The following KRT10 variants were observed in gnomAD, a reference collection of about 807,000 sequenced individuals.
The protein encoded by KRT10 is keratin, type I cytoskeletal 10.
A neutral mutation model predicts 59.2 loss-of-function variants in KRT10; 40 were observed. The observed-to-expected ratio is 0.68, with a 90% CI of 0.52 to 0.88. KRT10 has a LOEUF of 0.88. Ranked by LOEUF, KRT10 falls within the 40% of genes least tolerant of loss-of-function variation. The probability of loss-of-function intolerance (pLI) is 0.00; values close to 1 mark genes in which losing one functional copy is unlikely to be tolerated. For missense variants in KRT10, 719 were observed against 749.1 expected, an observed-to-expected ratio of 0.96 and a Z score of 0.47; for synonymous variants, 336 against 310.7, an observed-to-expected ratio of 1.08 and a Z score of -0.86.
chr17:40,819,004 C>T lies in KRT10; in HGVS notation c.1531G>A (p.Gly511Ser), dbSNP rs1470590839. ...CTGGAGCTTCCGCCCCCGTAGCCGC[C>T]GCCGGAGCTTCCGCCGCCGGAGCTT... ...GGSSGGGSSG[G>S]GYGGGSSSGG... The change falls in exon 7 of 8, where the codon GGC becomes AGC. Residue 511 changes from glycine (G) to serine (S), a missense_variant. This residue lies in a region of KRT10 where 315 missense variants were observed against 270.6 expected (regional missense o/e 1.16). Transcript: ENST00000269576. The T allele has an allele frequency of 7.0e-6, 9 of 1,286,614 alleles. No homozygotes were observed. Among genetic ancestry groups the T allele is most frequent in the South Asian group, 6.9e-5 (4 of 58,390 alleles). The allele number at this position is 1,286,614 out of a possible 1,614,324, so 79.7% of individuals were successfully genotyped here.
In KRT10 at chr17:40,819,916, C is replaced by T. The variant is rs146342823; in HGVS notation, c.1155+133G>A. The T allele has an allele frequency of 2.6e-4, 315 of 1,222,570 alleles. 2 individuals carry two copies. The East Asian group carries it at 5.6e-3, about 22-fold the overall frequency. 75.7% of individuals were successfully genotyped at this position (1,222,570 alleles called of 1,614,324 possible). A position where few individuals can be genotyped will look rare whatever the true frequency, so the allele number is the denominator to read the frequency against. ...ATCAACACTAGTAGTACTTTTCCTCCATTAACATGAGCTTCACTTTGTTTT... is the reference window on the plus strand; with the variant it reads ...ATCAACACTAGTAGTACTTTTCCTCTATTAACATGAGCTTCACTTTGTTTT... On this transcript the variant is annotated intron_variant, in intron 5 of 7. Transcript: ENST00000269576.
chr17:40,819,993 G>A (rs1046699577), intron 5 of KRT10, 56 bp downstream of exon 5: 4 of 1,601,430 alleles, frequency 2.5e-6, no homozygotes, highest in Non-Finnish European at 3.4e-6. Flanking sequence ...ATATTCTTAG[G>A]TGAGCATGAA....
At chr17:40,819,858 T>A (rs1167038579) in intron 5 of KRT10, 124 bp from the exon 6 acceptor site, 3 of 1,107,226 alleles carry the variant, frequency 2.7e-6, no homozygotes, top group Non-Finnish European at 4.1e-6. Context: ...TGTTGTATGT[T>A]TAATGGCACC....
rs781280510 is a variant in KRT10, at chr17:40,822,238, G to T, written c.348C>A (p.Ser116Arg). The stretch of plus-strand genomic sequence containing the variant: ...CTCCACCAAAGCCGCCTCCACCAAA[G>T]CTGCCCCCACCAAAGCTGCCACCTC... ...SFGGGSFGGG[S>R]FGGGGFGGGG... Residue 116 changes from serine to arginine, a missense_variant, in exon 1 of 8, where the codon AGC (serine) becomes AGA (arginine). Coordinates refer to ENST00000269576, the MANE Select transcript of KRT10 (RefSeq NM_000421.5). The T allele has an allele frequency of 6.2e-7, 1 of 1,610,392 alleles. No individual in the cohort carries two copies.
At chr17:40,820,715 A>C in intron 2 of KRT10, 48 bp from the exon 3 acceptor site, 1 of 1,600,108 alleles carries the variant, frequency 6.2e-7, no homozygotes, top group Non-Finnish European at 8.6e-7. Context: ...TATAGGGGAG[A>C]TGTATCTGGG....
chr17:40,818,498 A>G lies in KRT10; in HGVS notation c.1749-16T>C, dbSNP rs1430458631. 2 of 1,544,004 alleles carry G rather than the reference A, an allele frequency of 1.3e-6. No individual in the cohort carries two copies. The highest frequency in any genetic ancestry group is 9.0e-7 in the Non-Finnish European group (1 of 1,116,668). On this transcript the variant is annotated splice_polypyrimidine_tract_variant and intron_variant, in intron 7 of 7. Transcript: ENST00000269576. ...TTGTTAGTATCTGTGTGAATGATGG[A>G]AAAAAAATTTTAAACAGTCTGTAGG...
rs946206147 is a variant in KRT10 at position 40,818,483 on chromosome 17, C to G, written c.1749-1G>C. On this transcript the variant is annotated splice_acceptor_variant, in intron 7 of 7. Transcript: ENST00000269576. LOFTEE classifies it high-confidence loss of function. ...TTGATTACTCTGGTTTTGTTAGTAT[C>G]TGTGTGAATGATGGAAAAAAAATTT... 9.4e-6 allele frequency: 15 copies of G among 1,598,388 alleles called. No individual in the cohort carries two copies. Among genetic ancestry groups the G allele is most frequent in the Non-Finnish European group, 1.3e-5 (15 of 1,165,856 alleles).
chr17:40,819,041 G>T lies in KRT10; in HGVS notation c.1494C>A (p.Gly498=). Residue 498 remains glycine, a synonymous_variant, in exon 7 of 8, where the codon GGC becomes GGA. Coordinates refer to ENST00000269576, the MANE Select transcript of KRT10 (RefSeq NM_000421.5). The stretch of plus-strand genomic sequence containing the variant: ...CGCCGCCGGAGCTTCCGCCTCCGTA[G>T]CCGCCGCCGGAACTGCCGCCGTGGC... ...GGGHGGSSGG[G]YGGGSSGGGS... 1 of 1,340,386 alleles carries T rather than the reference G, an allele frequency of 7.5e-7. No individual in the cohort carries two copies. Among genetic ancestry groups the T allele is most frequent in the Non-Finnish European group, 9.7e-7 (1 of 1,025,842 alleles). The allele number at this position is 1,340,386 out of a possible 1,614,324, so 83.0% of individuals were successfully genotyped here.
chr17:40,822,180 C>T lies in KRT10; in HGVS notation c.406G>A (p.Gly136Arg). 1 of 1,613,900 alleles carries T rather than the reference C, an allele frequency of 6.2e-7. No homozygotes were observed. ...CCAGAGAGAAGGCCACCATCTCCTC[C>T]AAATCCACCACCAAAGCCTCCTCCA... ...GFGGGFGGGF[G>R]GDGGLLSGNE... Residue 136 changes from glycine (G) to arginine (R), a missense_variant, in exon 1 of 8, where the codon GGA becomes AGA. Gly to Arg is a moderately radical substitution (Grantham distance 125). Coordinates refer to ENST00000269576, the MANE Select transcript of KRT10 (RefSeq NM_000421.5).
Position 40,819,027 on chromosome 17 carries a change from C to T in KRT10, c.1508G>A (p.Ser503Asn), listed in dbSNP as rs1206721097. The change falls in exon 7 of 8, where the codon AGC becomes AAC. Residue 503 changes from serine to asparagine, a missense_variant. By Grantham distance (46) the Ser-to-Asn change is conservative. Transcript: ENST00000269576. ...GSSGGGYGGG[S>N]SGGGSSGGGY... ...GCCGCCGGAGCTTCCGCCGCCGGAGCTTCCGCCTCCGTAGCCGCCGCCGGA... is the reference window on the plus strand; with the variant it reads ...GCCGCCGGAGCTTCCGCCGCCGGAGTTTCCGCCTCCGTAGCCGCCGCCGGA... 3 of 1,376,562 alleles carry T rather than the reference C, an allele frequency of 2.2e-6. No homozygotes were observed. The highest frequency in any genetic ancestry group is 2.6e-5 in the Admixed American group (1 of 37,922). The allele number at this position is 1,376,562 out of a possible 1,614,324, so 85.3% of individuals were successfully genotyped here.
rs1166092039 is a variant in KRT10 at position 40,821,017 on chromosome 17, A to G, written c.710+18T>C. 6 of 1,580,248 alleles carry G rather than the reference A, an allele frequency of 3.8e-6. No individual in the cohort carries two copies. The highest frequency in any genetic ancestry group is 3.3e-5 in the South Asian group (3 of 90,318). On this transcript the variant is annotated intron_variant, in intron 2 of 7. Coordinates refer to ENST00000269576, the MANE Select transcript of KRT10 (RefSeq NM_000421.5). ...TGTATTCGTTGTGATAGTATTATAC[A>G]ACGATCACTTAACTTACTTCAGCCT...
intron 1 of KRT10, among the ~76,000 whole-genome samples, 195 bp downstream of exon 1, chr17:40,821,764 A>G (rs751463428): frequency 5.3e-5 from 8 of 152,180 alleles, no homozygotes; most frequent in Non-Finnish European, 7.4e-5. Flanking sequence ...TAAGACAAGT[A>G]GCACACTTGC....
intron 1 of KRT10, 84 bp from the exon 2 acceptor site, chr17:40,821,201 A>G (rs1905363201): frequency 1.2e-5 from 12 of 990,358 alleles, no homozygotes; most frequent in Non-Finnish European, 1.9e-5. Context: ...CTGCACTTTT[A>G]TGTTGTTCTC....
At chr17:40,821,642 A>G (rs1259478067) in intron 1 of KRT10, among the ~76,000 whole-genome samples, 1 of 152,070 alleles carries the variant, frequency 6.6e-6, no homozygotes, top group East Asian at 1.9e-4. Context: ...GATTCATATC[A>G]TGATTTTTTT....
In KRT10 at chr17:40,818,805, G is replaced by GACTC. The variant is rs769261149; in HGVS notation, c.1726_1729dup (p.Ser577Ter). 6.6e-7 allele frequency: 1 copy of GACTC among 1,519,824 alleles called. No homozygotes were observed. The highest frequency in any genetic ancestry group is 8.7e-7 in the Non-Finnish European group (1 of 1,143,984). The allele number at this position is 1,519,824 out of a possible 1,614,324, so 94.1% of individuals were successfully genotyped here. A position where few individuals can be genotyped will look rare whatever the true frequency, so the allele number is the denominator to read the frequency against. On this transcript the variant is annotated stop_gained and frameshift_variant, in exon 7 of 8. Transcript: ENST00000269576. LOFTEE classifies it high-confidence loss of function. ...TGCTGACCTTGGTCCCTTAGATGAAGACTCGCCCACGGACCCGGAAGAGGA... is the reference window on the plus strand; with the variant it reads ...TGCTGACCTTGGTCCCTTAGATGAAGACTCACTCGCCCACGGACCCGGAAGAGGA...
In KRT10 at chr17:40,819,150, C is replaced by T; in HGVS notation, c.1385G>A (p.Gly462Asp). The T allele has an allele frequency of 3.9e-6, 6 of 1,544,508 alleles. No homozygotes were observed. Among genetic ancestry groups the T allele is most frequent in the Non-Finnish European group, 5.2e-6 (6 of 1,155,270 alleles). The change falls in exon 7 of 8, where the codon GGC (glycine) becomes GAC (aspartate). Residue 462 changes from glycine to aspartate, a missense_variant. By Grantham distance (94) the Gly-to-Asp change is moderately conservative (BLOSUM62 -1). Around this residue, in one of 4 missense-constraint regions of KRT10, gnomAD observed 315 missense variants for 270.6 expected, o/e 1.16. Coordinates refer to ENST00000269576, the MANE Select transcript of KRT10 (RefSeq NM_000421.5). ...LLEGEGSSGG[G>D]GRGGGSFGGG... ...GCCGAAACTTCCGCCGCCGCGTCCG[C>T]CGCCTCCGGAACTAAACGGGGTGAG...
At chr17:40,820,924 C>T in intron 2 of KRT10, 111 bp downstream of exon 2, 2 of 986,448 alleles carry the variant, frequency 2.0e-6, no homozygotes, top group South Asian at 2.8e-5. Context: ...TACTATTTAA[C>T]TTTGGGTGAA....
intron 7 of KRT10, 27 bp from the exon 8 acceptor site, chr17:40,818,509 TAAAC>T: frequency 6.8e-7 from 1 of 1,466,874 alleles, no homozygotes; most frequent in Non-Finnish European, 9.6e-7. Flanking sequence ...AAAAAAATTT[TAAAC>T]AGTCTGTAGG....
At chr17:40,820,724 G>C in intron 2 of KRT10, 57 bp from the exon 3 acceptor site, 2 of 1,584,564 alleles carry the variant, frequency 1.3e-6, no homozygotes, top group Non-Finnish European at 1.7e-6. Flanking sequence ...GATGTATCTG[G>C]GCAGAGACTA....
Sources: gnomAD v4.1 joint callset for allele counts (sites outside exome capture counted in the v4.1 genomes callset) on GRCh38, gnomAD v4.1.1 for gene constraint, gnomAD v4.1.1 regional missense constraint, MANE v1.5 for transcripts, NCBI Gene and HGNC (gene_info 2026-07-23, HGNC 2026-07-21) for gene names.